The following C3orf70 variants were observed in gnomAD, a reference collection of about 807,000 sequenced individuals.
C3orf70 encodes UPF0524 protein C3orf70.
In C3orf70, 15 loss-of-function variants were observed where a neutral mutation model predicts 20.7. The ratio of observed to expected loss-of-function variants is 0.72; its 90% CI spans 0.48 to 1.11. The LOEUF is 1.11. Among genes scored for constraint, C3orf70 ranks in the 50% most tolerant of loss-of-function variants. The probability of loss-of-function intolerance (pLI) is 0.00; values close to 1 mark genes in which losing one functional copy is unlikely to be tolerated. For missense variants in C3orf70, 332 were observed against 317.6 expected (o/e 1.05, Z -0.34); for synonymous variants, 161 against 125.7 (o/e 1.28, Z -1.88).
intron 1 of C3orf70, among the ~76,000 whole-genome samples, chr3:185,091,689 C>CA (rs1553919509): frequency 7.1e-6 from 1 of 140,170 alleles, no homozygotes; most frequent in Non-Finnish European, 1.6e-5. Flanking sequence ...AGCCATTTTA[C>CA]TTTTTTTTTT....
chr3:185,106,975 T>C (rs536975148), intron 1 of C3orf70, among the ~76,000 whole-genome samples: 1 of 152,264 alleles, frequency 6.6e-6, no homozygotes, highest in South Asian at 2.1e-4. Context: ...GTGCCGTATG[T>C]GGACATGGGG....
intron 1 of C3orf70, among the ~76,000 whole-genome samples, chr3:185,138,705 G>A (rs1716678571): frequency 6.6e-6 from 1 of 152,074 alleles, no homozygotes; most frequent in South Asian, 2.1e-4. Context: ...ACCCATTCAA[G>A]ATTTTTTTTA....
chr3:185,150,270 T>A (rs144423155), intron 1 of C3orf70, among the ~76,000 whole-genome samples: 163 of 152,360 alleles, frequency 1.1e-3, no homozygotes, highest in African/African-American at 3.7e-3. Context: ...CAGGACTCTA[T>A]CTGTGGCTTT....
chr3:185,126,702 A>G (rs1307525303), intron 1 of C3orf70, among the ~76,000 whole-genome samples: 1 of 152,224 alleles, frequency 6.6e-6, no homozygotes, highest in Non-Finnish European at 1.5e-5. Context: ...ATGGGGAAAA[A>G]ATAGGACTGA....
chr3:185,152,817 C>G lies in C3orf70; in HGVS notation c.7G>C (p.Ala3Pro), dbSNP rs1717023949. MS[A>P]AASPASERGW... ...CGCTCCGACGCCGGCGAGGCCGCCG[C>G]ACTCATTTCCTCTCCCTCCGCGCGG... The change falls in exon 1 of 2, where the codon GCG becomes CCG. Residue 3 changes from alanine to proline, a missense_variant. Ala to Pro is a conservative substitution (Grantham distance 27). Transcript: ENST00000335012. The G allele has an allele frequency of 1.9e-6, 3 of 1,556,026 alleles. No homozygotes were observed. The highest frequency in any genetic ancestry group is 2.8e-5 in the African/African-American group (2 of 70,898).
At chr3:185,086,601 A>T (rs1715463335) in intron 1 of C3orf70, among the ~76,000 whole-genome samples, 1 of 152,178 alleles carries the variant, frequency 6.6e-6, no homozygotes, top group Admixed American at 6.5e-5. Flanking sequence ...TGAGAAATAC[A>T]CGTTTGTTGT....
At chr3:185,116,575 T>C (rs1716178189) in intron 1 of C3orf70, among the ~76,000 whole-genome samples, 1 of 152,302 alleles carries the variant, frequency 6.6e-6, no homozygotes, top group South Asian at 2.1e-4. Context: ...TCTCCAGTTG[T>C]GACAACCAAA....
chr3:185,138,111 T>C (rs1221204792), intron 1 of C3orf70, among the ~76,000 whole-genome samples: 5 of 152,300 alleles, frequency 3.3e-5, no homozygotes, highest in East Asian at 3.9e-4. Context: ...GGAACTACTA[T>C]TAACAACTCT....
chr3:185,127,276 A>C (rs1378709879), intron 1 of C3orf70, among the ~76,000 whole-genome samples: 1 of 152,234 alleles, frequency 6.6e-6, no homozygotes, highest in Non-Finnish European at 1.5e-5. Context: ...AATGAGATAA[A>C]TAAGGTGTTA....
At chr3:185,111,370 T>C (rs187797127) in intron 1 of C3orf70, among the ~76,000 whole-genome samples, 1 of 152,280 alleles carries the variant, frequency 6.6e-6, no homozygotes, top group African/African-American at 2.4e-5. Flanking sequence ...TCAGAATATA[T>C]AAAGAACTCT....
chr3:185,084,348 T>C (rs912599585), intron 1 of C3orf70, among the ~76,000 whole-genome samples: 13 of 152,070 alleles, frequency 8.5e-5, no homozygotes, highest in Non-Finnish European at 1.3e-4. Context: ...CAGGTGTCTA[T>C]GTTCTAATTA....
chr3:185,142,373 C>T (rs1716772593), intron 1 of C3orf70, among the ~76,000 whole-genome samples: 1 of 152,112 alleles, frequency 6.6e-6, no homozygotes, highest in South Asian at 2.1e-4. Context: ...GGAAGGACTG[C>T]TTGACCCTAG....
chr3:185,147,663 G>A (rs534301718), intron 1 of C3orf70, among the ~76,000 whole-genome samples: 2 of 152,132 alleles, frequency 1.3e-5, no homozygotes, highest in Non-Finnish European at 2.9e-5. Flanking sequence ...TACATAATTG[G>A]CTATTAAGTG....
At position 185,083,439 on chromosome 3, in the gene C3orf70, T is replaced by C; in HGVS notation, c.321A>G (p.Lys107=). 1 of 1,614,084 alleles carries C rather than the reference T, an allele frequency of 6.2e-7. No homozygotes were observed. The highest frequency in any genetic ancestry group is 1.3e-5 in the African/African-American group (1 of 75,020). Residue 107 remains lysine (K), a synonymous_variant, in exon 2 of 2, where the codon AAA becomes AAG. Coordinates refer to ENST00000335012, the MANE Select transcript of C3orf70 (RefSeq NM_001025266.3). ...ISVSLTEHFL[K]FASVFQPPLP... ...GGGGAGGCTGGAAGACAGATGCAAA[T>C]TTCAAAAAGTGTTCGGTGAGCGAGA...
At chr3:185,106,775 A>G (rs879550243) in intron 1 of C3orf70, among the ~76,000 whole-genome samples, 2 of 152,262 alleles carry the variant, frequency 1.3e-5, no homozygotes, top group African/African-American at 2.4e-5. Context: ...AAGTTCCAAC[A>G]GGGCTCTGTG....
At chr3:185,108,814 C>T (rs1480585262) in intron 1 of C3orf70, among the ~76,000 whole-genome samples, 6 of 152,326 alleles carry the variant, frequency 3.9e-5, no homozygotes, top group South Asian at 2.1e-4. Context: ...CATGTTCCCT[C>T]GTTTGGGAGA....
At chr3:185,101,552 C>T (rs9858026) in intron 1 of C3orf70, among the ~76,000 whole-genome samples, 5,880 of 152,182 alleles carry the variant, frequency 0.039, 337 homozygotes, top group African/African-American at 0.13. Flanking sequence ...AATGAACAGG[C>T]GTCTGCTTCT....
chr3:185,138,949 T>C (rs1716684807), intron 1 of C3orf70, among the ~76,000 whole-genome samples: 1 of 151,840 alleles, frequency 6.6e-6, no homozygotes, highest in Non-Finnish European at 1.5e-5. Flanking sequence ...AAAAAGTTTT[T>C]TAATTAGCTG....
At chr3:185,130,049 T>G (rs1716495728) in intron 1 of C3orf70, among the ~76,000 whole-genome samples, 1 of 152,214 alleles carries the variant, frequency 6.6e-6, no homozygotes, top group African/African-American at 2.4e-5. Context: ...ATAGTATTAC[T>G]TCTTTCTATT....
Sources: gnomAD v4.1 joint callset for allele counts (sites outside exome capture counted in the v4.1 genomes callset) on GRCh38, gnomAD v4.1.1 for gene constraint, MANE v1.5 for transcripts, NCBI Gene and HGNC (gene_info 2026-07-23, HGNC 2026-07-21) for gene names.